The following ACSF2 variants were observed in gnomAD, a reference collection of about 807,000 sequenced individuals.
ACSF2 encodes the protein acyl-CoA synthetase family member 2, also known as medium-chain acyl-CoA ligase ACSF2, mitochondrial.
In ACSF2, 52 loss-of-function variants were observed where a neutral mutation model predicts 79.3. The ratio of observed to expected loss-of-function variants is 0.66; its 90% CI spans 0.53 to 0.83. The LOEUF (loss-of-function observed/expected upper bound fraction) is 0.83, where lower values mean the gene tolerates loss of function less well. ACSF2 is among the 40% of genes least tolerant of loss of function. The pLI is 0.00. For missense variants in ACSF2, 661 were observed against 803.3 expected (o/e 0.82, Z 2.14); for synonymous variants, 283 against 312.6 (o/e 0.91, Z 1.00).
Position 50,461,781 on chromosome 17 carries a change from C to T in ACSF2, c.507+95C>T, listed in dbSNP as rs1598420390. 4 of 1,469,886 alleles carry T rather than the reference C, an allele frequency of 2.7e-6. No homozygotes were observed. In the East Asian group the frequency reaches 6.8e-5, roughly 25 times the overall value. The allele number at this position is 1,469,886 out of a possible 1,614,324, so 91.1% of individuals were successfully genotyped here. On this transcript the variant is annotated intron_variant, in intron 4 of 15. Transcript: ENST00000300441. ...CAGAGTCTGACGGTGTGAGCTAGGGCATGCATAGGCGGGTGATACGCAGAG... is the reference window on the plus strand; with the variant it reads ...CAGAGTCTGACGGTGTGAGCTAGGGTATGCATAGGCGGGTGATACGCAGAG...
chr17:50,457,395 G>T (rs1372242245), intron 1 of ACSF2, among the ~76,000 whole-genome samples: 1 of 152,226 alleles, frequency 6.6e-6, no homozygotes, highest in Non-Finnish European at 1.5e-5. Flanking sequence ...TGGAGGTTTG[G>T]AGGGACATGC....
Position 50,463,273 on chromosome 17 carries a change from G to T in ACSF2, c.888+22G>T. The T allele has an allele frequency of 1.2e-6, 2 of 1,613,828 alleles. No homozygotes were observed. The highest frequency in any genetic ancestry group is 1.7e-6 in the Non-Finnish European group (2 of 1,179,896). The stretch of plus-strand genomic sequence containing the variant: ...GAAGGTGAGGCGGCACTAGGCCCAG[G>T]GCAAGGCTGCAGGAGGGGTGGCTCA... On this transcript the variant is annotated intron_variant, in intron 7 of 15. Transcript: ENST00000300441. The surrounding 1 kb of genome is among the most constrained non-coding windows in gnomAD (Gnocchi z 4.6).
At chr17:50,452,068 G>A (rs2031711876) in intron 1 of ACSF2, among the ~76,000 whole-genome samples, 2 of 152,286 alleles carry the variant, frequency 1.3e-5, no homozygotes, top group Middle Eastern at 3.4e-3. Context: ...ATCTGGGCCT[G>A]AGTTCTCAGG....
chr17:50,433,319 C>T (rs2030109445), intron 1 of ACSF2, among the ~76,000 whole-genome samples: 1 of 152,028 alleles, frequency 6.6e-6, no homozygotes, highest in African/African-American at 2.4e-5. Flanking sequence ...GTTGGCCAGG[C>T]TGGTCTCAAA....
At chr17:50,464,170 C>T in intron 9 of ACSF2, 48 bp from the exon 10 acceptor site, 2 of 1,578,318 alleles carry the variant, frequency 1.3e-6, no homozygotes, top group Non-Finnish European at 1.7e-6. Context: ...AAGGACTCCA[C>T]TGGGCCTGGA....
At chr17:50,454,629 A>G (rs2031878506) in intron 1 of ACSF2, among the ~76,000 whole-genome samples, 1 of 152,170 alleles carries the variant, frequency 6.6e-6, no homozygotes, top group Non-Finnish European at 1.5e-5. Context: ...AGTTGCACAC[A>G]CTATCTCTCT....
chr17:50,462,678 A>C, intron 6 of ACSF2, 93 bp downstream of exon 6: 2 of 1,434,728 alleles, frequency 1.4e-6, no homozygotes, highest in Admixed American at 3.9e-5. Flanking sequence ...AGCAGAGGAG[A>C]GCATGCCTTC....
intron 1 of ACSF2, among the ~76,000 whole-genome samples, chr17:50,441,816 CTT>C (rs2030938354): frequency 6.6e-6 from 1 of 151,822 alleles, no homozygotes; most frequent in South Asian, 2.1e-4. Context: ...AATGTTGTGT[CTT>C]TATTTATTTA....
Position 50,471,989 on chromosome 17 carries a change from C to T in ACSF2, c.1324-439C>T, listed in dbSNP as rs2033143076. ...GCTTTCCTTGGCACGGTGGCCGTGG[C>T]TCTTTTCTCTACCAGGCTTTCAGAC... On this transcript the variant is annotated intron_variant, in intron 11 of 15. Transcript: ENST00000300441. This position sits in a 1 kb window ranked among gnomAD's most constrained non-coding sequence, Gnocchi z 4.1. 1 of 159,498 alleles carries T rather than the reference C, an allele frequency of 6.3e-6. No individual in the cohort carries two copies. The highest frequency in any genetic ancestry group is 2.4e-5 in the African/African-American group (1 of 41,534). The allele number at this position is 159,498 out of a possible 1,614,324, so 9.9% of individuals were successfully genotyped here.
At chr17:50,426,985 TA>T in intron 1 of ACSF2, 1 of 1,535,718 alleles carries the variant, frequency 6.5e-7, no homozygotes, top group East Asian at 2.4e-5. Flanking sequence ...GCACAGTAAG[TA>T]AAGCTGCCTT....
chr17:50,472,222 A>T, intron 11 of ACSF2: 1 of 553,222 alleles, frequency 1.8e-6, no homozygotes, highest in African/African-American at 2.0e-5. Context: ...CTCTTCTTTC[A>T]TGCCCAGCTC....
intron 1 of ACSF2, among the ~76,000 whole-genome samples, chr17:50,432,584 T>A (rs1032971060): frequency 6.6e-6 from 1 of 152,238 alleles, no homozygotes; most frequent in Admixed American, 6.5e-5. Context: ...TCTTCTGGGT[T>A]GGCCTTGCCA....
rs776552637 is a variant in ACSF2, at chr17:50,426,393, C to CT, written c.128+5dup. ...TGCAGGGTGTCCGCTTCCTCAGGTA[C>CT]TGGCCCCCCGCGGGAAGAGAGGGGG... On this transcript the variant is annotated splice_donor_region_variant and intron_variant, in intron 1 of 15. Transcript: ENST00000300441. 7.5e-7 allele frequency: 1 copy of CT among 1,335,196 alleles called. No individual in the cohort carries two copies. Among genetic ancestry groups the CT allele is most frequent in the Admixed American group, 3.5e-5 (1 of 28,284 alleles). 82.7% of individuals were successfully genotyped at this position (1,335,196 alleles called of 1,614,324 possible).
chr17:50,426,335 C>A lies in ACSF2; in HGVS notation c.74C>A (p.Ala25Asp). 1 of 1,423,658 alleles carries A rather than the reference C, an allele frequency of 7.0e-7. No homozygotes were observed. Among genetic ancestry groups the A allele is most frequent in the Non-Finnish European group, 9.2e-7 (1 of 1,082,282 alleles). 88.2% of individuals were successfully genotyped at this position (1,423,658 alleles called of 1,614,324 possible). Reference protein sequence around the residue: ...AGSSGVLGARAALSRSWQEAR... With the variant: ...AGSSGVLGARDALSRSWQEAR... ...AGCTCGGGGGTGCTGGGGGCCCGGG[C>A]CGCCCTCTCTCGGAGTTGGCAGGAA... The change falls in exon 1 of 16, where the codon GCC becomes GAC. Residue 25 changes from alanine (A) to aspartate (D), a missense_variant. Transcript: ENST00000300441.
At chr17:50,433,068 TACAC>T (rs1248752392) in intron 1 of ACSF2, among the ~76,000 whole-genome samples, 1 of 151,960 alleles carries the variant, frequency 6.6e-6, no homozygotes, top group Non-Finnish European at 1.5e-5. Flanking sequence ...TTTTGTTTTA[TACAC>T]ACACACGCAC....
intron 1 of ACSF2, among the ~76,000 whole-genome samples, chr17:50,438,769 A>G (rs1343444661): frequency 6.6e-6 from 1 of 151,812 alleles, no homozygotes; most frequent in Non-Finnish European, 1.5e-5. Flanking sequence ...GTTTCACCAT[A>G]TTGGCCGGGC....
At position 50,463,322 on chromosome 17, in the gene ACSF2, G is replaced by T; in HGVS notation, c.888+71G>T. 23 of 1,610,372 alleles carry T rather than the reference G, an allele frequency of 1.4e-5. No homozygotes were observed. Among genetic ancestry groups the T allele is most frequent in the Non-Finnish European group, 2.0e-5 (23 of 1,177,994 alleles). Reference sequence around the variant, plus strand: ...CAGGCAGGGGTGGGGGGCTGGCTGGGCTCCCCTTGCCAGCTAGAGAGGAAC... The same window carrying T: ...CAGGCAGGGGTGGGGGGCTGGCTGGTCTCCCCTTGCCAGCTAGAGAGGAAC... On this transcript the variant is annotated intron_variant, in intron 7 of 15. Transcript: ENST00000300441. This position sits in a 1 kb window ranked among gnomAD's most constrained non-coding sequence, Gnocchi z 4.6.
In ACSF2 at chr17:50,460,777, T is replaced by A; in HGVS notation, c.229T>A (p.Cys77Ser). ...TCTTAACAGCAAGACTGTGGGCCAG[T>A]GCCTGGAGACCACAGCACAGAGGGT... ...KHLNSKTVGQCLETTAQRVPE... is the reference protein window; with the variant it reads ...KHLNSKTVGQSLETTAQRVPE... Residue 77 changes from cysteine (C) to serine (S), a missense_variant, in exon 2 of 16, where the codon TGC becomes AGC. By Grantham distance (112) the Cys-to-Ser change is moderately radical (BLOSUM62 -1). Coordinates refer to ENST00000300441, the MANE Select transcript of ACSF2 (RefSeq NM_025149.6). The A allele has an allele frequency of 1.9e-6, 3 of 1,613,154 alleles. No homozygotes were observed. Among genetic ancestry groups the A allele is most frequent in the Non-Finnish European group, 2.5e-6 (3 of 1,179,572 alleles).
chr17:50,449,417 T>C (rs2031519903), intron 1 of ACSF2, among the ~76,000 whole-genome samples: 1 of 151,324 alleles, frequency 6.6e-6, no homozygotes, highest in East Asian at 1.9e-4. Context: ...TTTTTTTTTT[T>C]TCTTTGAGAC....
Sources: allele counts gnomAD v4.1 joint callset (sites outside exome capture counted in the v4.1 genomes callset), GRCh38; gene constraint gnomAD v4.1.1; non-coding constraint Gnocchi (gnomAD v3.1); transcripts MANE v1.5; gene names NCBI Gene and HGNC (gene_info 2026-07-23, HGNC 2026-07-21).